CREB5: variants seen among roughly 807,000 people sequenced by gnomAD.
CREB5 encodes cAMP responsive element binding protein 5, also known as cyclic AMP-responsive element-binding protein 5.
A neutral mutation model predicts 57.1 loss-of-function variants in CREB5; 19 were observed. The observed-to-expected ratio is 0.33, with a 90% CI of 0.23 to 0.49. CREB5 has a LOEUF of 0.49. Ranked by LOEUF, CREB5 falls within the 20% of genes least tolerant of loss-of-function variation. The pLI is 0.99. For synonymous variants in CREB5, 238 were observed against 238.3 expected, an observed-to-expected ratio of 1.00 and a Z score of 0.01; for missense variants, 579 against 671.6, an observed-to-expected ratio of 0.86 and a Z score of 1.52.
chr7:28,392,827 C>T (rs1376344157), intron 1 of CREB5, among the ~76,000 whole-genome samples: 1 of 152,200 alleles, frequency 6.6e-6, no homozygotes, highest in Non-Finnish European at 1.5e-5. Flanking sequence ...GACATGATTT[C>T]AGCTGTGGTG....
At chr7:28,358,533 GT>G (rs2127991718) in intron 1 of CREB5, among the ~76,000 whole-genome samples, 1 of 152,308 alleles carries the variant, frequency 6.6e-6, no homozygotes, top group South Asian at 2.1e-4. Flanking sequence ...AAAGCATGTT[GT>G]TTTCTTTTTA....
At chr7:28,301,093 G>A (rs1785091040) in intron 1 of CREB5, among the ~76,000 whole-genome samples, 1 of 152,200 alleles carries the variant, frequency 6.6e-6, no homozygotes, top group Non-Finnish European at 1.5e-5. Flanking sequence ...TTTTAAAGGT[G>A]ACTCTAATAT....
intron 5 of CREB5, among the ~76,000 whole-genome samples, chr7:28,686,698 G>A (rs760146646): frequency 6.6e-6 from 1 of 152,072 alleles, no homozygotes; most frequent in Non-Finnish European, 1.5e-5. Flanking sequence ...AGAGCGAGGG[G>A]GTCAGGGTTG....
At chr7:28,717,086 CTT>C (rs5883165) in intron 5 of CREB5, among the ~76,000 whole-genome samples, 6 of 110,234 alleles carry the variant, frequency 5.4e-5, no homozygotes, top group Admixed American at 1.2e-4. Flanking sequence ...GCTTTATATT[CTT>C]TTTTTTTTTT....
At chr7:28,496,140 T>C (rs1792033982) in intron 3 of CREB5, among the ~76,000 whole-genome samples, 1 of 152,198 alleles carries the variant, frequency 6.6e-6, no homozygotes, top group Non-Finnish European at 1.5e-5. Context: ...TGATGGAGAT[T>C]CAGTGAAAGA....
intron 5 of CREB5, among the ~76,000 whole-genome samples, chr7:28,668,653 A>G (rs1317334917): frequency 6.6e-6 from 1 of 152,234 alleles, no homozygotes; most frequent in Admixed American, 6.5e-5. Flanking sequence ...TTTCTTCTAA[A>G]CAGATTTGGA....
chr7:28,521,362 A>G (rs905825795), intron 4 of CREB5, among the ~76,000 whole-genome samples: 2 of 152,142 alleles, frequency 1.3e-5, no homozygotes, highest in African/African-American at 4.8e-5. Flanking sequence ...GTGTGCACTG[A>G]CATTTTGGTT....
intron 5 of CREB5, among the ~76,000 whole-genome samples, chr7:28,675,777 G>A (rs767115567): frequency 6.6e-6 from 1 of 151,992 alleles, no homozygotes. Context: ...TGCTCATATG[G>A]GAGATCCTGT....
chr7:28,416,923 G>T (rs1488670628), intron 1 of CREB5, among the ~76,000 whole-genome samples: 5 of 152,078 alleles, frequency 3.3e-5, no homozygotes, highest in Non-Finnish European at 1.5e-5. Context: ...AAGGAAAATA[G>T]ATTTTTATAT....
At chr7:28,581,824 G>A (rs755705103) in intron 5 of CREB5, among the ~76,000 whole-genome samples, 9 of 152,322 alleles carry the variant, frequency 5.9e-5, no homozygotes, top group Admixed American at 1.3e-4. Flanking sequence ...CAAGGGAGGC[G>A]CCATGTCTGG....
At chr7:28,353,787 G>A (rs1296678172) in intron 1 of CREB5, among the ~76,000 whole-genome samples, 3 of 149,532 alleles carry the variant, frequency 2.0e-5, no homozygotes. Context: ...AGCTTGCAGT[G>A]AGCAGAGATC....
At chr7:28,787,919 G>A (rs1158105776) in intron 7 of CREB5, among the ~76,000 whole-genome samples, 1 of 152,144 alleles carries the variant, frequency 6.6e-6, no homozygotes, top group Non-Finnish European at 1.5e-5. Flanking sequence ...GCTTTAATGA[G>A]CTTCATTAAG....
chr7:28,474,616 C>A (rs1315595718), intron 1 of CREB5, among the ~76,000 whole-genome samples: 2 of 152,146 alleles, frequency 1.3e-5, no homozygotes, highest in African/African-American at 4.8e-5. Context: ...AACGATCATA[C>A]TACTACTTAG....
At chr7:28,590,605 G>A (rs1025623883) in intron 5 of CREB5, among the ~76,000 whole-genome samples, 9 of 151,294 alleles carry the variant, frequency 5.9e-5, no homozygotes, top group African/African-American at 1.9e-4. Context: ...TGCAGCACAC[G>A]AACATGCCAC....
chr7:28,684,000 A>T (rs1800725310), intron 5 of CREB5, among the ~76,000 whole-genome samples: 1 of 150,900 alleles, frequency 6.6e-6, no homozygotes, highest in African/African-American at 2.4e-5. Flanking sequence ...TGGGGAGGGG[A>T]GATTTGGGGG....
At chr7:28,663,682 T>A (rs903710899) in intron 5 of CREB5, among the ~76,000 whole-genome samples, 1 of 152,236 alleles carries the variant, frequency 6.6e-6, no homozygotes, top group Non-Finnish European at 1.5e-5. Flanking sequence ...TTTACACATA[T>A]AATCCTAGTA....
At chr7:28,336,192 G>A (rs11979030) in intron 1 of CREB5, among the ~76,000 whole-genome samples, 2,166 of 152,124 alleles carry the variant, frequency 0.014, 59 homozygotes, top group African/African-American at 0.05. Context: ...TTTTGTATAA[G>A]GGTAATACTG....
intron 1 of CREB5, among the ~76,000 whole-genome samples, chr7:28,436,200 A>T (rs1788954653): frequency 6.6e-6 from 1 of 152,110 alleles, no homozygotes; most frequent in South Asian, 2.1e-4. Context: ...CCTCTCCAGT[A>T]AAAATCAATG....
At chr7:28,671,790 C>A (rs1287990123) in intron 5 of CREB5, among the ~76,000 whole-genome samples, 2 of 152,144 alleles carry the variant, frequency 1.3e-5, no homozygotes, top group African/African-American at 4.8e-5. Context: ...CTTCACCTGT[C>A]TGAATTTTTG....
Sources: allele counts gnomAD v4.1 joint callset (sites outside exome capture counted in the v4.1 genomes callset), GRCh38; gene constraint gnomAD v4.1.1; transcripts MANE v1.5; gene names NCBI Gene and HGNC (gene_info 2026-07-23, HGNC 2026-07-21).